The following TM9SF4 variants were observed in gnomAD, a reference collection of about 807,000 sequenced individuals.
TM9SF4 encodes dinucleotide oxidase disulfide thiol exchanger 3 superfamily member 4.
A neutral mutation model predicts 90.4 loss-of-function variants in TM9SF4; 26 were observed. That is an observed-to-expected ratio of 0.29 (90% CI 0.21 to 0.40). The LOEUF (loss-of-function observed/expected upper bound fraction) is 0.40. TM9SF4 is among the 10% of genes least tolerant of loss of function. TM9SF4 has a pLI of 1.00. For missense variants in TM9SF4, 549 were observed against 834.8 expected (o/e 0.66, Z 4.22); for synonymous variants, 293 against 315.4 (o/e 0.93, Z 0.75).
At chr20:32,124,382 G>T (rs559479509) in intron 1 of TM9SF4, among the ~76,000 whole-genome samples, 2 of 152,292 alleles carry the variant, frequency 1.3e-5, no homozygotes, top group South Asian at 4.1e-4. Flanking sequence ...TGGCAGTACA[G>T]TTCTTCTTGA....
chr20:32,137,659 A>G (rs1389272509), intron 3 of TM9SF4, among the ~76,000 whole-genome samples: 2 of 152,130 alleles, frequency 1.3e-5, no homozygotes, highest in Non-Finnish European at 2.9e-5. Context: ...TTAGTGTTCT[A>G]CCTGAGTGGA....
At chr20:32,156,602 T>G (rs931048806) in intron 13 of TM9SF4, among the ~76,000 whole-genome samples, 5 of 152,240 alleles carry the variant, frequency 3.3e-5, no homozygotes, top group African/African-American at 1.2e-4. Context: ...TTTGTATTGT[T>G]GTATTTTTTG....
intron 1 of TM9SF4, among the ~76,000 whole-genome samples, chr20:32,118,177 T>G (rs2046254046): frequency 6.6e-6 from 1 of 152,150 alleles, no homozygotes; most frequent in Non-Finnish European, 1.5e-5. Context: ...CTTGATTCTC[T>G]GTGTATTGGA....
In TM9SF4 at chr20:32,140,613, T is replaced by C. The variant is rs953628370; in HGVS notation, c.230-884T>C. ...TACTTTATTGGATTGACTTCCTTTATTTCTCACTGTAACCCTGTGAGGTGG... is the reference window on the plus strand; with the variant it reads ...TACTTTATTGGATTGACTTCCTTTACTTCTCACTGTAACCCTGTGAGGTGG... On this transcript the variant is annotated intron_variant, in intron 3 of 17. Transcript: ENST00000398022. 3.3e-5 allele frequency among the ~76,000 whole-genome samples: 5 copies of C among 152,228 alleles called. No homozygotes were observed. In the East Asian group the frequency reaches 9.6e-4, roughly 29 times the overall value.
Position 32,149,700 on chromosome 20 carries a change from C to G in TM9SF4, c.1021C>G (p.Pro341Ala). The G allele has an allele frequency of 6.2e-7, 1 of 1,614,216 alleles. No individual in the cohort carries two copies. Among genetic ancestry groups the G allele is most frequent in the Middle Eastern group, 1.6e-4 (1 of 6,062 alleles). Residue 341 changes from proline (P) to alanine (A), a missense_variant, in exon 10 of 18, where the codon CCC becomes GCC. By Grantham distance (27) the Pro-to-Ala change is conservative. Coordinates refer to ENST00000398022, the MANE Select transcript of TM9SF4 (RefSeq NM_014742.4). Reference sequence around the variant, plus strand: ...CGACGTCTTCAGGCCCCCCCAGTACCCCATGATCCTCAGCTCCCTGCTGGG... The same window carrying G: ...CGACGTCTTCAGGCCCCCCCAGTACGCCATGATCCTCAGCTCCCTGCTGGG... ...HGDVFRPPQY[P>A]MILSSLLGSG...
At chr20:32,159,054 A>C (rs1238523866) in intron 15 of TM9SF4, 2 of 152,634 alleles carry the variant, frequency 1.3e-5, no homozygotes, top group African/African-American at 4.8e-5. Context: ...GGGACTTGGT[A>C]AATAGAAGCT....
intron 1 of TM9SF4, among the ~76,000 whole-genome samples, chr20:32,124,205 T>C (rs2046385568): frequency 6.6e-6 from 1 of 152,156 alleles, no homozygotes; most frequent in Admixed American, 6.5e-5. Flanking sequence ...CTGCCTTCAT[T>C]ATTTCTCTTT....
rs11406793 is a variant in TM9SF4, at chr20:32,112,693, C to CAA, written c.15+2953_15+2954dup. On this transcript the variant is annotated intron_variant, in intron 1 of 17. Coordinates refer to ENST00000398022, the MANE Select transcript of TM9SF4 (RefSeq NM_014742.4). ...TGGGTGACAGAGTGAGACCCTATCT[C>CAA]AAAAAAAAAAAAAAAACAAAAAACA... 7.1e-3 allele frequency among the ~76,000 whole-genome samples: 857 copies of CAA among 121,516 alleles called. 8 individuals carry two copies. Among genetic ancestry groups the CAA allele is most frequent in the South Asian group, 0.013 (49 of 3,706 alleles). The allele number at this position is 121,516 out of a possible 152,430, so 79.7% of individuals were successfully genotyped here. A position where few individuals can be genotyped will look rare whatever the true frequency, so the allele number is the denominator to read the frequency against.
chr20:32,149,514 C>A (rs1459726814), intron 9 of TM9SF4, 120 bp from the exon 10 acceptor site: 6 of 1,323,028 alleles, frequency 4.5e-6, no homozygotes, highest in Non-Finnish European at 6.4e-6. Flanking sequence ...ATCACTTACA[C>A]TCCTGTGTCA....
intron 1 of TM9SF4, among the ~76,000 whole-genome samples, chr20:32,131,831 CCA>C (rs1192539112): frequency 6.6e-6 from 1 of 152,066 alleles, no homozygotes; most frequent in Non-Finnish European, 1.5e-5. Context: ...CCTTTGATTC[CCA>C]GGTGCCTATG....
In TM9SF4 at chr20:32,123,845, C is replaced by CATAT. The variant is rs778502518; in HGVS notation, c.16-9149_16-9146dup. 4.4e-4 allele frequency among the ~76,000 whole-genome samples: 48 copies of CATAT among 108,718 alleles called. 1 individual carries two copies. In the South Asian group the frequency reaches 4.5e-3, roughly 10 times the overall value. The allele number at this position is 108,718 out of a possible 152,430, so 71.3% of individuals were successfully genotyped here. A position where few individuals can be genotyped will look rare whatever the true frequency, so the allele number is the denominator to read the frequency against. Reference sequence around the variant, plus strand: ...TCTCTAGCTCACGTGTTCTCTCTCTCATATATATATATATATATATATTTT... The same window carrying CATAT: ...TCTCTAGCTCACGTGTTCTCTCTCTCATATATATATATATATATATATATATTTT... On this transcript the variant is annotated intron_variant, in intron 1 of 17. Transcript: ENST00000398022.
In TM9SF4 at chr20:32,112,638, G is replaced by A. The variant is rs59561133; in HGVS notation, c.15+2883G>A. ...GAACCCGGGAGGCGGAGGCTACAGT[G>A]AGCCAAGATCGTGTCACTGCACTGC... On this transcript the variant is annotated intron_variant, in intron 1 of 17. Coordinates refer to ENST00000398022, the MANE Select transcript of TM9SF4 (RefSeq NM_014742.4). 9.9e-3 allele frequency among the ~76,000 whole-genome samples: 1,477 copies of A among 149,660 alleles called. 20 individuals are homozygous for A. The highest frequency in any genetic ancestry group is 0.035 in the African/African-American group (1,402 of 40,470).
intron 16 of TM9SF4, 138 bp downstream of exon 16, chr20:32,160,249 C>T (rs955595547): frequency 1.9e-4 from 235 of 1,251,268 alleles, no homozygotes; most frequent in Non-Finnish European, 2.3e-4. Context: ...TGGGCCAGTA[C>T]GTTGCTGTGC....
intron 9 of TM9SF4, among the ~76,000 whole-genome samples, chr20:32,148,560 C>T (rs1031614633): frequency 1.4e-5 from 2 of 148,088 alleles, no homozygotes; most frequent in Admixed American, 1.3e-4. Flanking sequence ...TCAACAAAAA[C>T]AAAAAAGAAC....
At chr20:32,134,465 G>A (rs899218731) in intron 2 of TM9SF4, among the ~76,000 whole-genome samples, 1 of 152,212 alleles carries the variant, frequency 6.6e-6, no homozygotes, top group Non-Finnish European at 1.5e-5. Flanking sequence ...GAAAGCTCTG[G>A]AACTCAGTTT....
At chr20:32,142,125 A>G (rs1328811970) in intron 5 of TM9SF4, among the ~76,000 whole-genome samples, 1 of 152,026 alleles carries the variant, frequency 6.6e-6, no homozygotes, top group Non-Finnish European at 1.5e-5. Flanking sequence ...GATTAAAACA[A>G]CATAAAAAAA....
chr20:32,160,949 CAAAAAAAAAAAA>C lies in TM9SF4; in HGVS notation c.1690-310_1690-299del, dbSNP rs34767421. 8.2e-4 allele frequency: 34 copies of C among 41,684 alleles called. 1 individual carries two copies. The highest frequency in any genetic ancestry group is 3.6e-3 in the East Asian group (5 of 1,406). 2.6% of individuals were successfully genotyped at this position (41,684 alleles called of 1,614,324 possible). ...TGGGCGACAGAGTGAGACTCCATCT[CAAAAAAAAAAAA>C]AAAAAAAAAAAAAAAAGAATAGTGC... On this transcript the variant is annotated intron_variant, in intron 16 of 17. Transcript: ENST00000398022.
At position 32,141,941 on chromosome 20, in the gene TM9SF4, C is replaced by G. The variant is rs759422725; in HGVS notation, c.528+46C>G. 1.9e-6 allele frequency: 3 copies of G among 1,611,000 alleles called. No individual in the cohort carries two copies. The East Asian group carries it at 6.7e-5, about 36-fold the overall frequency. ...TCACAGGACCGGGAGCCACACCTCA[C>G]GAGTCCTGAGCACTTGGGGCCACAG... is the stretch of plus-strand genomic sequence containing the variant. On this transcript the variant is annotated intron_variant, in intron 5 of 17. Coordinates refer to ENST00000398022, the MANE Select transcript of TM9SF4 (RefSeq NM_014742.4).
chr20:32,121,629 G>A (rs1170614782), intron 1 of TM9SF4, among the ~76,000 whole-genome samples: 2 of 152,062 alleles, frequency 1.3e-5, no homozygotes, highest in African/African-American at 4.8e-5. Flanking sequence ...GCAACCATCC[G>A]ATTTCTCGAT....
Sources: gnomAD v4.1 joint callset for allele counts (sites outside exome capture counted in the v4.1 genomes callset) on GRCh38, gnomAD v4.1.1 for gene constraint, MANE v1.5 for transcripts, NCBI Gene and HGNC (gene_info 2026-07-23, HGNC 2026-07-21) for gene names.